The following LTK variants were observed in gnomAD, a reference collection of about 807,000 sequenced individuals.
The protein encoded by LTK is leukocyte receptor tyrosine kinase, also known as leukocyte tyrosine kinase receptor.
A neutral mutation model predicts 101.5 loss-of-function variants in LTK; 117 were observed. The observed-to-expected ratio is 1.15, with a 90% CI of 0.99 to 1.34. The LOEUF is 1.34. Among genes scored for constraint, LTK ranks in the 40% most tolerant of loss-of-function variants. LTK has a pLI of 0.00. For missense variants in LTK, 1,252 were observed against 1,164.7 expected (o/e 1.07, Z -1.09); for synonymous variants, 563 against 494.2 (o/e 1.14, Z -1.85).
chr15:41,505,691 C>CTGCCCCTGGTCCCAGG lies in LTK; in HGVS notation c.1697+6_1697+21dup, dbSNP rs1566865348. ...GGCATTCCCCTCCCGCCTTCCAGCCCTGCCCCTGGTCCCAGGTGCACCTGA... is the reference window on the plus strand; with the variant it reads ...GGCATTCCCCTCCCGCCTTCCAGCCCTGCCCCTGGTCCCAGGTGCCCCTGGTCCCAGGTGCACCTGA... On this transcript the variant is annotated intron_variant, in intron 13 of 19. Transcript: ENST00000263800. 3.1e-6 allele frequency: 5 copies of CTGCCCCTGGTCCCAGG among 1,613,150 alleles called. No individual in the cohort carries two copies. The South Asian group carries it at 5.5e-5, about 18-fold the overall frequency.
Position 41,511,480 on chromosome 15 carries a change from G to T in LTK, c.756C>A (p.Pro252=). Residue 252 remains proline, a synonymous_variant, in exon 6 of 20, where the codon CCC becomes CCA. Coordinates refer to ENST00000263800, the MANE Select transcript of LTK (RefSeq NM_002344.6). This position sits in a 1 kb window ranked among gnomAD's most constrained non-coding sequence, Gnocchi z 5.9. ...CCTCCGAGCGGTTCTCCAGTTTCTC[G>T]GGGGAGGCCTGAGTCCGGCCTCGGT... is the stretch of plus-strand genomic sequence containing the variant. ...PRDRGRTQAS[P]EKLENRSEAP... is the part of the protein sequence containing the mutation. 2 of 1,467,238 alleles carry T rather than the reference G, an allele frequency of 1.4e-6. No individual in the cohort carries two copies. Among genetic ancestry groups the T allele is most frequent in the Non-Finnish European group, 1.8e-6 (2 of 1,117,986 alleles). 90.9% of individuals were successfully genotyped at this position (1,467,238 alleles called of 1,614,324 possible). A position where few individuals can be genotyped will look rare whatever the true frequency, so the allele number is the denominator to read the frequency against.
intron 7 of LTK, among the ~76,000 whole-genome samples, chr15:41,510,952 TTA>T (rs2051436825): frequency 6.6e-6 from 1 of 152,222 alleles, no homozygotes; most frequent in Admixed American, 6.5e-5. Context: ...AGATCCTGGA[TTA>T]AACGGAAATC....
Position 41,507,669 on chromosome 15 carries a change from G to C in LTK, c.1250-12C>G. 6.2e-7 allele frequency: 1 copy of C among 1,610,438 alleles called. No homozygotes were observed. The highest frequency in any genetic ancestry group is 1.1e-5 in the South Asian group (1 of 90,418). ...GGGCTTGTGCAGGTCTAGGGAGAAA[G>C]AGAGACACCTCCAGTGGGAAGGTCT... On this transcript the variant is annotated splice_polypyrimidine_tract_variant and intron_variant, in intron 9 of 19. Coordinates refer to ENST00000263800, the MANE Select transcript of LTK (RefSeq NM_002344.6).
Position 41,511,215 on chromosome 15 carries a change from C to A in LTK, c.946G>T (p.Gly316Trp). ...GCAGTGCAGGCCCCGCCGCCGCCCC[C>A]GAAGCCGCCGGCCGCGGCCCAGCCA... ...TLGWAAAGGF[G>W]GGGGACTAGG... Residue 316 changes from glycine to tryptophan, a missense_variant, in exon 7 of 20, where the codon GGG becomes TGG. Physicochemically the swap from Gly to Trp is radical, Grantham distance 184. Transcript: ENST00000263800. The surrounding 1 kb of genome is among the most constrained non-coding windows in gnomAD (Gnocchi z 5.9). 1 of 1,389,214 alleles carries A rather than the reference C, an allele frequency of 7.2e-7. No homozygotes were observed. The highest frequency in any genetic ancestry group is 3.1e-5 in the East Asian group (1 of 31,888). The allele number at this position is 1,389,214 out of a possible 1,614,324, so 86.1% of individuals were successfully genotyped here. A position where few individuals can be genotyped will look rare whatever the true frequency, so the allele number is the denominator to read the frequency against.
chr15:41,508,427 G>A (rs993010709), intron 8 of LTK, among the ~76,000 whole-genome samples: 3 of 136,586 alleles, frequency 2.2e-5, no homozygotes, highest in South Asian at 2.4e-4. Flanking sequence ...GTGTGGTGGC[G>A]CACGCCTGCA....
chr15:41,505,568 G>A (rs2051249348), intron 13 of LTK, 38 bp from the exon 14 acceptor site: 2 of 1,612,694 alleles, frequency 1.2e-6, no homozygotes, highest in Non-Finnish European at 8.5e-7. Flanking sequence ...TACCAGGAGG[G>A]AGACGGAAAC....
chr15:41,506,829 A>G (rs1437139268), intron 11 of LTK, among the ~76,000 whole-genome samples: 1 of 152,184 alleles, frequency 6.6e-6, no homozygotes, highest in African/African-American at 2.4e-5. Context: ...ACCTCAGGTG[A>G]CCTGCCTGCC....
intron 17 of LTK, 56 bp downstream of exon 17, chr15:41,504,717 G>A: frequency 2.5e-6 from 4 of 1,601,302 alleles, no homozygotes; most frequent in East Asian, 2.2e-5. Flanking sequence ...GGAAAGGACA[G>A]GATTAGCCTC....
chr15:41,508,023 G>T, intron 9 of LTK, 46 bp downstream of exon 9: 1 of 1,537,666 alleles, frequency 6.5e-7, no homozygotes, highest in Non-Finnish European at 8.7e-7. Context: ...GCTCCTCCCA[G>T]TCTGTGACCC....
In LTK at chr15:41,508,192, G is replaced by A. The variant is rs773383557; in HGVS notation, c.1126C>T (p.Arg376Ter). 1.6e-5 allele frequency: 26 copies of A among 1,613,106 alleles called. 1 individual carries two copies. Among genetic ancestry groups the A allele is most frequent in the Non-Finnish European group, 1.9e-5 (23 of 1,179,668 alleles). The change falls in exon 9 of 20, where the codon CGA becomes TGA. Residue 376 changes from arginine to a stop codon, truncating the protein, a stop_gained. Coordinates refer to ENST00000263800, the MANE Select transcript of LTK (RefSeq NM_002344.6). LOFTEE classifies it high-confidence loss of function. ...CAGTGACTGCAGTTGAGGTGCCTTC[G>A]GATCTCTACCTCTCCGTGGTTCTCG... ...VTENHGEVEI[R>*]RHLNCSHCPL...
At chr15:41,512,073 C>G (rs1366898135) in intron 4 of LTK, 42 bp downstream of exon 4, 2 of 1,536,536 alleles carry the variant, frequency 1.3e-6, no homozygotes, top group East Asian at 2.4e-5. Context: ...CAGCCCTCGC[C>G]CCCGGCGCCG....
At position 41,504,389 on chromosome 15, in the gene LTK, G is replaced by A. The variant is rs373539281; in HGVS notation, c.2299C>T (p.Arg767Cys). Residue 767 changes from arginine to cysteine, a missense_variant, in exon 19 of 20, where the codon CGC becomes TGC. By Grantham distance (180) the Arg-to-Cys change is radical. Transcript: ENST00000263800. Reference protein sequence around the residue: ...TQCWQHEPELRPSFASILERL... With the variant: ...TQCWQHEPELCPSFASILERL... ...TCCAAGATGCTGGCAAAGCTAGGGC[G>A]GAGCTCAGGCTCGTGCTGCCAACAC... The A allele has an allele frequency of 3.7e-5, 59 of 1,614,048 alleles. 1 individual carries two copies. The highest frequency in any genetic ancestry group is 2.0e-4 in the African/African-American group (15 of 74,924).
intron 11 of LTK, among the ~76,000 whole-genome samples, chr15:41,506,640 G>A (rs2051294947): frequency 6.6e-6 from 1 of 151,762 alleles, no homozygotes; most frequent in South Asian, 2.1e-4. Flanking sequence ...GCCCTGGCTG[G>A]AGTGCAATGG....
chr15:41,512,346 T>A, intron 3 of LTK, 81 bp from the exon 4 acceptor site: 7 of 1,325,658 alleles, frequency 5.3e-6, no homozygotes, highest in African/African-American at 2.9e-5. Flanking sequence ...CAGAGGAGGC[T>A]CCAGAATTAT....
Position 41,505,228 on chromosome 15 carries a change from C to G in LTK, c.1905G>C (p.Glu635Asp). Residue 635 changes from glutamate to aspartate, a missense_variant, in exon 15 of 20, where the codon GAG (glutamate) becomes GAC (aspartate). Glu to Asp is a conservative substitution (Grantham distance 45). Coordinates refer to ENST00000263800, the MANE Select transcript of LTK (RefSeq NM_002344.6). ...CTAACCTGTGGATGAAGTGATTTTC[C>G]TCCAGGTAGTGGCAGCCCTGGGCTA... ...QDIAQGCHYL[E>D]ENHFIHRDIA... is the part of the protein sequence containing the mutation. 7 of 1,614,084 alleles carry G rather than the reference C, an allele frequency of 4.3e-6. No individual in the cohort carries two copies. Among genetic ancestry groups the G allele is most frequent in the Non-Finnish European group, 5.9e-6 (7 of 1,179,990 alleles).
intron 8 of LTK, 63 bp from the exon 9 acceptor site, chr15:41,508,284 T>G: frequency 7.0e-7 from 1 of 1,435,588 alleles, no homozygotes; most frequent in African/African-American, 1.4e-5. Context: ...AATACATGCC[T>G]TTGGCTGGGT....
In LTK at chr15:41,508,169, G is replaced by C. The variant is rs376133874; in HGVS notation, c.1149C>G (p.His383Gln). The part of the protein sequence containing the change: ...VEIRRHLNCS[H>Q]CPLRDCQWQA... ...GCCATTGGCAGTCTCTCAAAGGGCA[G>C]TGACTGCAGTTGAGGTGCCTTCGGA... The change falls in exon 9 of 20, where the codon CAC becomes CAG. Residue 383 changes from histidine to glutamine, a missense_variant. Coordinates refer to ENST00000263800, the MANE Select transcript of LTK (RefSeq NM_002344.6). 3.1e-6 allele frequency: 5 copies of C among 1,613,620 alleles called. No homozygotes were observed. The highest frequency in any genetic ancestry group is 4.2e-6 in the Non-Finnish European group (5 of 1,179,828).
chr15:41,505,002 C>T lies in LTK; in HGVS notation c.1988G>A (p.Gly663Glu), dbSNP rs2051214546. 1 of 1,613,446 alleles carries T rather than the reference C, an allele frequency of 6.2e-7. No homozygotes were observed. Among genetic ancestry groups the T allele is most frequent in the Non-Finnish European group, 8.5e-7 (1 of 1,179,610 alleles). ...GATATCTCGTGCCATCCCAAAGTCCCCAATCTTGGCCACTCGGCTGGGTCC... is the reference window on the plus strand; with the variant it reads ...GATATCTCGTGCCATCCCAAAGTCCTCAATCTTGGCCACTCGGCTGGGTCC... Reference protein sequence around the residue: ...CAGPSRVAKIGDFGMARDIYR... With the variant: ...CAGPSRVAKIEDFGMARDIYR... Residue 663 changes from glycine to glutamate, a missense_variant, in exon 16 of 20, where the codon GGG becomes GAG. Transcript: ENST00000263800.
chr15:41,509,818 C>A (rs971873739), intron 7 of LTK, among the ~76,000 whole-genome samples: 1 of 151,802 alleles, frequency 6.6e-6, no homozygotes, highest in Non-Finnish European at 1.5e-5. Context: ...GAGATTTGTA[C>A]TACTGCACTC....
Sources: allele counts gnomAD v4.1 joint callset (sites outside exome capture counted in the v4.1 genomes callset), GRCh38; gene constraint gnomAD v4.1.1; non-coding constraint Gnocchi (gnomAD v3.1); transcripts MANE v1.5; gene names NCBI Gene and HGNC (gene_info 2026-07-23, HGNC 2026-07-21).